Variants in GJA1 observed in about 807,000 individuals in gnomAD.
GJA1 encodes the protein gap junction alpha-1 protein.
In GJA1, 9 loss-of-function variants were observed where a neutral mutation model predicts 31.0. The observed-to-expected ratio is 0.29, with a 90% CI of 0.17 to 0.51. GJA1 has a LOEUF of 0.51. Among genes scored for constraint, GJA1 ranks in the 20% least tolerant of loss-of-function variants. The pLI is 0.98. For missense variants in GJA1, 278 were observed against 468.8 expected, an observed-to-expected ratio of 0.59 and a Z score of 3.76; for synonymous variants, 186 against 180.1, an observed-to-expected ratio of 1.03 and a Z score of -0.26.
chr6:121,437,600 G>C (rs1188424855), intron 1 of GJA1, among the ~76,000 whole-genome samples: 1 of 152,020 alleles, frequency 6.6e-6, no homozygotes, highest in Non-Finnish European at 1.5e-5. Flanking sequence ...CGCGCCTCAC[G>C]GTCGTAGCAG....
At chr6:121,440,014 G>T (rs2073653531) in intron 1 of GJA1, among the ~76,000 whole-genome samples, 1 of 152,012 alleles carries the variant, frequency 6.6e-6, no homozygotes, top group Admixed American at 6.6e-5. Flanking sequence ...CATTAACCAG[G>T]GTTAATATCA....
intron 1 of GJA1, among the ~76,000 whole-genome samples, chr6:121,440,250 C>T (rs1773747255): frequency 1.3e-5 from 2 of 151,766 alleles, no homozygotes; most frequent in Non-Finnish European, 2.9e-5. Flanking sequence ...CCTGCAACAA[C>T]CTAACAGTGA....
At chr6:121,439,604 G>A (rs1773729964) in intron 1 of GJA1, among the ~76,000 whole-genome samples, 1 of 152,122 alleles carries the variant, frequency 6.6e-6, no homozygotes, top group Admixed American at 6.5e-5. Flanking sequence ...AGTAGCTGTT[G>A]AACTAGGGAG....
Position 121,448,066 on chromosome 6 carries a change from C to A in GJA1, c.*70C>A. 7.2e-7 allele frequency: 1 copy of A among 1,384,238 alleles called. No individual in the cohort carries two copies. The highest frequency in any genetic ancestry group is 1.0e-6 in the Non-Finnish European group (1 of 972,128). The allele number at this position is 1,384,238 out of a possible 1,614,324, so 85.7% of individuals were successfully genotyped here. A position where few individuals can be genotyped will look rare whatever the true frequency, so the allele number is the denominator to read the frequency against. ...AAAAAAGGTGCTGTAGAAAGTGCAC[C>A]AGGTGTTAATTTTGATCCGGTGGAG... On this transcript the variant is annotated 3_prime_UTR_variant, in exon 2 of 2. Transcript: ENST00000282561.
chr6:121,443,539 G>A (rs1773833127), intron 1 of GJA1, among the ~76,000 whole-genome samples: 1 of 152,130 alleles, frequency 6.6e-6, no homozygotes, highest in African/African-American at 2.4e-5. Context: ...ACATACTATG[G>A]AACTGTGGAG....
chr6:121,443,855 G>GT (rs1357465535), intron 1 of GJA1, among the ~76,000 whole-genome samples: 5 of 152,118 alleles, frequency 3.3e-5, no homozygotes, highest in Non-Finnish European at 5.9e-5. Flanking sequence ...ATACTTGATT[G>GT]TTTTTGTTAT....
intron 1 of GJA1, among the ~76,000 whole-genome samples, chr6:121,439,243 CGT>C (rs1773724471): frequency 6.6e-6 from 1 of 152,064 alleles, no homozygotes; most frequent in Non-Finnish European, 1.5e-5. Flanking sequence ...ATCTAAAGGT[CGT>C]CTAAAGAGTA....
chr6:121,438,229 G>A (rs565551605), intron 1 of GJA1, among the ~76,000 whole-genome samples: 11 of 152,306 alleles, frequency 7.2e-5, no homozygotes, highest in African/African-American at 2.4e-4. Flanking sequence ...TGCAGTGTTA[G>A]TGCTTTGCTC....
At chr6:121,446,289 C>T (rs1250766423) in intron 1 of GJA1, among the ~76,000 whole-genome samples, 1 of 139,526 alleles carries the variant, frequency 7.2e-6, no homozygotes, top group African/African-American at 2.7e-5. Flanking sequence ...GAGGGAAACA[C>T]CATCTTAAAA....
At position 121,447,940 on chromosome 6, in the gene GJA1, A is replaced by G. The variant is rs769417675; in HGVS notation, c.1093A>G (p.Ser365Gly). 1 of 1,613,900 alleles carries G rather than the reference A, an allele frequency of 6.2e-7. No individual in the cohort carries two copies. Among genetic ancestry groups the G allele is most frequent in the Non-Finnish European group, 8.5e-7 (1 of 1,179,870 alleles). Residue 365 changes from serine (S) to glycine (G), a missense_variant, in exon 2 of 2, where the codon AGC becomes GGC. Coordinates refer to ENST00000282561, the MANE Select transcript of GJA1 (RefSeq NM_000165.5). ...AGCCATTGTGGACCAGCGACCTTCA[A>G]GCAGAGCCAGCAGTCGTGCCAGCAG... ...PLAIVDQRPS[S>G]RASSRASSRP...
intron 1 of GJA1, among the ~76,000 whole-genome samples, chr6:121,441,895 G>A (rs774961168): frequency 7.9e-5 from 12 of 152,140 alleles, no homozygotes; most frequent in Non-Finnish European, 1.2e-4. Context: ...TACTGGAGGG[G>A]CAGAGGTTAT....
At position 121,446,997 on chromosome 6, in the gene GJA1, T is replaced by A. The variant is rs1451772901; in HGVS notation, c.150T>A (p.Ser50=). 54 of 1,614,046 alleles carry A rather than the reference T, an allele frequency of 3.3e-5. 1 individual carries two copies. Among genetic ancestry groups the A allele is most frequent in the Non-Finnish European group, 4.1e-5 (48 of 1,180,004 alleles). The change falls in exon 2 of 2, where the codon TCT becomes TCA. Residue 50 remains serine, a synonymous_variant. Coordinates refer to ENST00000282561, the MANE Select transcript of GJA1 (RefSeq NM_000165.5). The part of the protein sequence containing the change: ...AVESAWGDEQ[S]AFRCNTQQPG... ...AGTCAGCCTGGGGAGATGAGCAGTC[T>A]GCCTTTCGTTGTAACACTCAGCAAC...
intron 1 of GJA1, 103 bp from the exon 2 acceptor site, chr6:121,446,729 G>T: frequency 2.4e-6 from 2 of 831,794 alleles, no homozygotes; most frequent in South Asian, 1.4e-5. Flanking sequence ...TTAGAAATAC[G>T]TGAAACCGTT....
intron 1 of GJA1, among the ~76,000 whole-genome samples, chr6:121,436,458 G>A (rs568419312): frequency 1.1e-3 from 162 of 152,250 alleles, no homozygotes; most frequent in African/African-American, 3.5e-3. Context: ...TAAAATTCAA[G>A]AGTATTAATA....
chr6:121,447,325 C>T lies in GJA1; in HGVS notation c.478C>T (p.Leu160Phe). 2 of 1,614,014 alleles carry T rather than the reference C, an allele frequency of 1.2e-6. No individual in the cohort carries two copies. Among genetic ancestry groups the T allele is most frequent in the Non-Finnish European group, 1.7e-6 (2 of 1,179,934 alleles). The change falls in exon 2 of 2, where the codon CTC (leucine) becomes TTC (phenylalanine). Residue 160 changes from leucine (L) to phenylalanine (F), a missense_variant. By Grantham distance (22) the Leu-to-Phe change is conservative. Coordinates refer to ENST00000282561, the MANE Select transcript of GJA1 (RefSeq NM_000165.5). ...GCTGCGAACCTACATCATCAGTATC[C>T]TCTTCAAGTCTATCTTTGAGGTGGC... ...GLLRTYIISI[L>F]FKSIFEVAFL...
chr6:121,439,731 A>G (rs1773733226), intron 1 of GJA1, among the ~76,000 whole-genome samples: 2 of 152,176 alleles, frequency 1.3e-5, no homozygotes, highest in Non-Finnish European at 2.9e-5. Flanking sequence ...AGGAGGGGTA[A>G]GAGCTGGGGA....
chr6:121,444,734 G>A (rs1166865147), intron 1 of GJA1, among the ~76,000 whole-genome samples: 1 of 152,152 alleles, frequency 6.6e-6, no homozygotes, highest in African/African-American at 2.4e-5. Flanking sequence ...TCATTACTAA[G>A]CTCCTGCAAA....
rs1245945202 is a variant in GJA1, at chr6:121,447,027, T to A, written c.180T>A (p.Gly60=). Residue 60 remains glycine, a synonymous_variant, in exon 2 of 2, where the codon GGT becomes GGA. Transcript: ENST00000282561. ...SAFRCNTQQP[G]CENVCYDKSF... The stretch of plus-strand genomic sequence containing the variant: ...TTCGTTGTAACACTCAGCAACCTGG[T>A]TGTGAAAATGTCTGCTATGACAAGT... 3 of 1,613,698 alleles carry A rather than the reference T, an allele frequency of 1.9e-6. No individual in the cohort carries two copies. The African/African-American group carries it at 4.0e-5, about 22-fold the overall frequency.
At chr6:121,440,464 ATGT>A (rs1264219509) in intron 1 of GJA1, among the ~76,000 whole-genome samples, 2 of 152,082 alleles carry the variant, frequency 1.3e-5, no homozygotes, top group African/African-American at 4.8e-5. Flanking sequence ...CATTTGAAGC[ATGT>A]TGTTTCAACA....
Sources: allele counts gnomAD v4.1 joint callset (sites outside exome capture counted in the v4.1 genomes callset), GRCh38; gene constraint gnomAD v4.1.1; transcripts MANE v1.5; gene names NCBI Gene and HGNC (gene_info 2026-07-23, HGNC 2026-07-21).